Variants in ATG4C observed in about 807,000 individuals in gnomAD.
The protein encoded by ATG4C is cysteine protease ATG4C.
A neutral mutation model predicts 57.6 loss-of-function variants in ATG4C; 56 were observed. That is an observed-to-expected ratio of 0.97 (90% CI 0.78 to 1.21). The LOEUF (loss-of-function observed/expected upper bound fraction) is 1.21, where lower values mean the gene tolerates loss of function less well. ATG4C is among the 50% of genes most tolerant of loss of function. The probability of loss-of-function intolerance (pLI) is 0.00; values close to 1 mark genes in which losing one functional copy is unlikely to be tolerated. For synonymous variants in ATG4C, 157 were observed against 174.1 expected, an observed-to-expected ratio of 0.90 and a Z score of 0.78; for missense variants, 595 against 529.8, an observed-to-expected ratio of 1.12 and a Z score of -1.21.
chr1:62,842,298 G>A (rs1421888444), intron 10 of ATG4C, among the ~76,000 whole-genome samples: 3 of 137,306 alleles, frequency 2.2e-5, no homozygotes, highest in Non-Finnish European at 3.1e-5. Context: ...GTCATTTTTG[G>A]GAATTTTTTT....
chr1:62,842,672 G>A (rs993582301), intron 10 of ATG4C, among the ~76,000 whole-genome samples: 1 of 151,938 alleles, frequency 6.6e-6, no homozygotes, highest in Non-Finnish European at 1.5e-5. Context: ...AAAATAAAAC[G>A]TTTCATATAA....
chr1:62,826,645 A>G (rs112820275), intron 6 of ATG4C, among the ~76,000 whole-genome samples: 3,037 of 149,878 alleles, frequency 0.02, 108 homozygotes, highest in African/African-American at 0.071. Flanking sequence ...CGCAACGTGC[A>G]GGTTTGTTAC....
intron 10 of ATG4C, among the ~76,000 whole-genome samples, chr1:62,846,896 G>C (rs954066162): frequency 1.3e-5 from 2 of 152,100 alleles, no homozygotes; most frequent in Non-Finnish European, 2.9e-5. Flanking sequence ...GTCATACTGG[G>C]CAGGGCACAG....
chr1:62,834,875 A>C (rs1480784548), intron 9 of ATG4C, 23 bp downstream of exon 9: 1 of 1,588,006 alleles, frequency 6.3e-7, no homozygotes, highest in Non-Finnish European at 8.6e-7. Flanking sequence ...AAAAGCTGAT[A>C]CTGTTTTCTT....
chr1:62,837,661 A>G (rs1172591977), intron 9 of ATG4C, among the ~76,000 whole-genome samples: 2 of 152,326 alleles, frequency 1.3e-5, no homozygotes, highest in African/African-American at 4.8e-5. Flanking sequence ...AAATTCAGAA[A>G]TATTGGCAGT....
At chr1:62,791,989 C>G (rs1222654310) in intron 1 of ATG4C, among the ~76,000 whole-genome samples, 3 of 151,986 alleles carry the variant, frequency 2.0e-5, no homozygotes, top group Non-Finnish European at 4.4e-5. Context: ...CAACTTGCTA[C>G]TTTTATCTAC....
chr1:62,800,112 CACTTGCTGAGG>C, intron 1 of ATG4C, among the ~76,000 whole-genome samples: 1 of 152,136 alleles, frequency 6.6e-6, no homozygotes, highest in Non-Finnish European at 1.5e-5. Context: ...TTGGTTTTCA[CACTTGCTGAGG>C]ACTGTCCAGA....
intron 10 of ATG4C, among the ~76,000 whole-genome samples, chr1:62,851,322 G>A (rs554443735): frequency 1.3e-5 from 2 of 152,174 alleles, no homozygotes; most frequent in East Asian, 1.9e-4. Flanking sequence ...TGGAAATTGC[G>A]ATAAAAGGCT....
intron 1 of ATG4C, among the ~76,000 whole-genome samples, chr1:62,797,452 TG>T (rs1196334660): frequency 6.6e-6 from 1 of 152,182 alleles, no homozygotes; most frequent in Non-Finnish European, 1.5e-5. Flanking sequence ...GAAATAGTTA[TG>T]TTATTGTTAA....
At chr1:62,794,088 A>G (rs573404516) in intron 1 of ATG4C, among the ~76,000 whole-genome samples, 1 of 152,384 alleles carries the variant, frequency 6.6e-6, no homozygotes, top group East Asian at 1.9e-4. Flanking sequence ...GCTTAAGGCT[A>G]TCTTAAAACA....
chr1:62,805,695 C>A (rs1376704616), intron 3 of ATG4C, among the ~76,000 whole-genome samples: 1 of 151,998 alleles, frequency 6.6e-6, no homozygotes, highest in Non-Finnish European at 1.5e-5. Context: ...TTTAATAATT[C>A]ATGTCACTCA....
intron 6 of ATG4C, among the ~76,000 whole-genome samples, chr1:62,826,725 A>G (rs796080112): frequency 6.7e-5 from 10 of 149,826 alleles, no homozygotes; most frequent in African/African-American, 2.5e-4. Context: ...TGTATCTCCT[A>G]ATGCTATCCC....
intron 3 of ATG4C, among the ~76,000 whole-genome samples, chr1:62,807,168 A>G (rs1198227202): frequency 6.6e-6 from 1 of 152,218 alleles, no homozygotes; most frequent in Non-Finnish European, 1.5e-5. Flanking sequence ...TAGGAATTAT[A>G]TATATTAGTT....
chr1:62,837,780 G>GT (rs1286647270), intron 9 of ATG4C, among the ~76,000 whole-genome samples: 1 of 152,110 alleles, frequency 6.6e-6, no homozygotes, highest in South Asian at 2.1e-4. Flanking sequence ...TTAGTAGTAG[G>GT]TTTTTTTTAT....
At chr1:62,786,030 T>C (rs1664068515) in intron 1 of ATG4C, among the ~76,000 whole-genome samples, 1 of 152,210 alleles carries the variant, frequency 6.6e-6, no homozygotes, top group Non-Finnish European at 1.5e-5. Flanking sequence ...TATCCTCTTG[T>C]CCTCAGCTCT....
At chr1:62,845,245 A>C (rs1255222216) in intron 10 of ATG4C, among the ~76,000 whole-genome samples, 4 of 152,254 alleles carry the variant, frequency 2.6e-5, no homozygotes, top group Non-Finnish European at 2.9e-5. Flanking sequence ...TAACATCCTT[A>C]TCAACACTTG....
At chr1:62,845,906 T>C (rs533211840) in intron 10 of ATG4C, among the ~76,000 whole-genome samples, 3 of 152,132 alleles carry the variant, frequency 2.0e-5, no homozygotes, top group Non-Finnish European at 4.4e-5. Context: ...TTCACCATGT[T>C]GACCAAGCTG....
At chr1:62,855,187 TCTGTA>T (rs1379717692) in intron 10 of ATG4C, among the ~76,000 whole-genome samples, 2 of 152,190 alleles carry the variant, frequency 1.3e-5, no homozygotes, top group African/African-American at 4.8e-5. Context: ...CTTTGGCCGT[TCTGTA>T]CTGTTGCTCT....
chr1:62,857,139 C>T (rs1666709394), intron 10 of ATG4C, among the ~76,000 whole-genome samples: 1 of 152,130 alleles, frequency 6.6e-6, no homozygotes, highest in South Asian at 2.1e-4. Flanking sequence ...GGACCATGGA[C>T]TCGTACCAGT....
Sources: allele counts gnomAD v4.1 joint callset (sites outside exome capture counted in the v4.1 genomes callset), GRCh38; gene constraint gnomAD v4.1.1; transcripts MANE v1.5; gene names NCBI Gene and HGNC (gene_info 2026-07-23, HGNC 2026-07-21).